The following LRP1B variants were observed in gnomAD, a reference collection of about 807,000 sequenced individuals.
LRP1B encodes LDL receptor related protein 1B.
Under a neutral mutation model 556.6 loss-of-function variants are expected in LRP1B, and 217 were observed. The ratio of observed to expected loss-of-function variants is 0.39; its 90% confidence interval spans 0.35 to 0.44. The LOEUF is 0.44. LRP1B is among the 20% of genes least tolerant of loss of function. The pLI is 1.00. For missense variants in LRP1B, 5,053 were observed against 5,620.8 expected (o/e 0.90, Z 3.23); for synonymous variants, 2,047 against 1,865.8 (o/e 1.10, Z -2.50).
chr2:140,622,940 C>A (rs970450593), intron 41 of LRP1B, among the ~76,000 whole-genome samples: 1 of 141,710 alleles, frequency 7.1e-6, no homozygotes, highest in Admixed American at 7.5e-5. Context: ...CAAAATGCTT[C>A]TATTCTGATT....
chr2:141,030,366 C>A (rs1217562006), intron 11 of LRP1B, among the ~76,000 whole-genome samples: 4 of 151,806 alleles, frequency 2.6e-5, no homozygotes, highest in Non-Finnish European at 5.9e-5. Flanking sequence ...TCTTTTTTAT[C>A]TTGAAAAAGG....
intron 3 of LRP1B, among the ~76,000 whole-genome samples, chr2:141,392,878 C>T (rs1573894015): frequency 1.3e-5 from 2 of 152,192 alleles, no homozygotes; most frequent in African/African-American, 4.8e-5. Flanking sequence ...CAGAGAAATC[C>T]CAAACGTTCT....
At chr2:141,680,417 C>A (rs752033192) in intron 2 of LRP1B, among the ~76,000 whole-genome samples, 1 of 151,956 alleles carries the variant, frequency 6.6e-6, no homozygotes, top group East Asian at 1.9e-4. Context: ...GAAAAATAAG[C>A]GGGAAACTTC....
chr2:140,246,788 C>T (rs868496833), intron 87 of LRP1B, among the ~76,000 whole-genome samples: 2 of 151,382 alleles, frequency 1.3e-5, no homozygotes, highest in Admixed American at 6.6e-5. Context: ...GTGATATCTG[C>T]GACTTTTTCA....
chr2:141,963,503 T>C (rs1574537155), intron 1 of LRP1B, among the ~76,000 whole-genome samples: 1 of 151,858 alleles, frequency 6.6e-6, no homozygotes, highest in Non-Finnish European at 1.5e-5. Context: ...CACATGATTA[T>C]CTCAATAGAT....
At chr2:142,116,898 A>G (rs1707293694) in intron 1 of LRP1B, among the ~76,000 whole-genome samples, 1 of 152,186 alleles carries the variant, frequency 6.6e-6, no homozygotes, top group African/African-American at 2.4e-5. Flanking sequence ...GATAAAATAC[A>G]AACCTAAATG....
chr2:141,646,902 C>A (rs912375522), intron 2 of LRP1B, among the ~76,000 whole-genome samples: 3 of 152,132 alleles, frequency 2.0e-5, no homozygotes, highest in Non-Finnish European at 4.4e-5. Context: ...AAGGGGGGAA[C>A]AAGCTCCAGC....
At chr2:141,990,744 T>G (rs551007690) in intron 1 of LRP1B, among the ~76,000 whole-genome samples, 122 of 152,216 alleles carry the variant, frequency 8.0e-4, no homozygotes, top group Non-Finnish European at 1.6e-3. Context: ...TGTATCTATA[T>G]GCACACACAT....
chr2:141,037,132 A>G (rs1698557156), intron 11 of LRP1B, among the ~76,000 whole-genome samples: 1 of 152,038 alleles, frequency 6.6e-6, no homozygotes, highest in Non-Finnish European at 1.5e-5. Context: ...TAAGGCTGAC[A>G]TGCAGGAAAT....
chr2:141,322,124 G>A (rs1314232652), intron 3 of LRP1B, among the ~76,000 whole-genome samples: 1 of 152,038 alleles, frequency 6.6e-6, no homozygotes, highest in Non-Finnish European at 1.5e-5. Flanking sequence ...TATTAACCCA[G>A]TGCATTGTCT....
chr2:140,424,169 A>T (rs1685563262), intron 66 of LRP1B, among the ~76,000 whole-genome samples: 1 of 152,176 alleles, frequency 6.6e-6, no homozygotes, highest in Admixed American at 6.5e-5. Flanking sequence ...CTGAGTGGGG[A>T]GGGCTTCCTT....
At chr2:140,721,482 T>C (rs1475274676) in intron 35 of LRP1B, among the ~76,000 whole-genome samples, 3 of 152,068 alleles carry the variant, frequency 2.0e-5, no homozygotes, top group South Asian at 4.2e-4. Flanking sequence ...ATGTAGGTTT[T>C]CTTCATCTTG....
intron 3 of LRP1B, among the ~76,000 whole-genome samples, chr2:141,408,583 G>A (rs936680541): frequency 1.9e-4 from 29 of 151,878 alleles, no homozygotes; most frequent in Non-Finnish European, 2.2e-4. Flanking sequence ...AGTCAACAAG[G>A]TAACAAAAAC....
chr2:140,408,753 A>T (rs1205009155), intron 66 of LRP1B, among the ~76,000 whole-genome samples: 4 of 152,008 alleles, frequency 2.6e-5, no homozygotes, highest in Non-Finnish European at 4.4e-5. Context: ...AAGCTGCAAC[A>T]TGTCTACATC....
At chr2:140,475,871 C>T (rs1039788712) in intron 59 of LRP1B, among the ~76,000 whole-genome samples, 5 of 151,832 alleles carry the variant, frequency 3.3e-5, no homozygotes, top group African/African-American at 4.8e-5. Context: ...CTTGGTCACA[C>T]GAGTCACATT....
At chr2:140,328,370 C>CTACTT (rs1300778066) in intron 79 of LRP1B, among the ~76,000 whole-genome samples, 5 of 151,740 alleles carry the variant, frequency 3.3e-5, no homozygotes, top group South Asian at 4.2e-4. Context: ...GATACCAAGA[C>CTACTT]TACTTTATAT....
intron 80 of LRP1B, 139 bp from the exon 81 acceptor site, chr2:140,324,205 G>T: frequency 3.9e-6 from 2 of 518,172 alleles, no homozygotes; most frequent in Non-Finnish European, 6.9e-6. Context: ...TACAATATTA[G>T]CTATGAAGTT....
intron 2 of LRP1B, among the ~76,000 whole-genome samples, chr2:141,741,985 C>T (rs931416845): frequency 3.9e-5 from 6 of 152,068 alleles, no homozygotes; most frequent in East Asian, 1.9e-4. Flanking sequence ...AAATGATAGG[C>T]GTCTAGCTTC....
intron 2 of LRP1B, among the ~76,000 whole-genome samples, chr2:141,609,596 G>C (rs759358382): frequency 1.3e-5 from 2 of 152,116 alleles, no homozygotes; most frequent in African/African-American, 4.8e-5. Flanking sequence ...AATCATGACT[G>C]TATTTAACAA....
Sources: allele counts gnomAD v4.1 joint callset (sites outside exome capture counted in the v4.1 genomes callset), GRCh38; gene constraint gnomAD v4.1.1; transcripts MANE v1.5; gene names NCBI Gene and HGNC (gene_info 2026-07-23, HGNC 2026-07-21).